OPCML: variants seen among roughly 807,000 people sequenced by gnomAD.
OPCML encodes the protein opioid-binding protein/cell adhesion molecule.
OPCML carries 13 observed loss-of-function variants against 37.8 expected under a neutral mutation model. The ratio of observed to expected loss-of-function variants is 0.34; its 90% CI spans 0.22 to 0.55. The LOEUF (loss-of-function observed/expected upper bound fraction) is 0.55. Ranked by LOEUF, OPCML falls within the 20% of genes least tolerant of loss-of-function variation. The probability of loss-of-function intolerance (pLI) is 0.91; values close to 1 mark genes in which losing one functional copy is unlikely to be tolerated. For missense variants in OPCML, 341 were observed against 435.6 expected, an observed-to-expected ratio of 0.78 and a Z score of 1.93; for synonymous variants, 176 against 168.8, an observed-to-expected ratio of 1.04 and a Z score of -0.33.
In OPCML at chr11:133,290,897, A is replaced by G. The variant is rs925832823; in HGVS notation, c.61+241367T>C. On this transcript the variant is annotated intron_variant, in intron 1 of 7. Coordinates refer to ENST00000524381, the MANE Select transcript of OPCML (RefSeq NM_001012393.5). ...GTTTCAAGAAGTAGCCGCAGCTTAC[A>G]TTGTTACTCTCCCAGGGCCACTTGA... Among the ~76,000 whole-genome samples, 7 of 152,208 alleles carry G rather than the reference A, an allele frequency of 4.6e-5. No individual in the cohort carries two copies. In the South Asian group the frequency reaches 8.3e-4, roughly 18 times the overall value.
Position 132,615,886 on chromosome 11 carries a change from C to T in OPCML, c.379+41201G>A, listed in dbSNP as rs188457791. 2.6e-5 allele frequency among the ~76,000 whole-genome samples: 4 copies of T among 151,948 alleles called. No individual in the cohort carries two copies. In the East Asian group the frequency reaches 7.7e-4, roughly 29 times the overall value. On this transcript the variant is annotated intron_variant, in intron 3 of 7. Coordinates refer to ENST00000524381, the MANE Select transcript of OPCML (RefSeq NM_001012393.5). ...TAGGAACAAACAGAAGGTGAGTAAC[C>T]AAGAGGGAAAAAAAGGCAGATTGGC...
chr11:132,798,478 TA>T (rs1938461854), intron 2 of OPCML, among the ~76,000 whole-genome samples: 2 of 152,248 alleles, frequency 1.3e-5, no homozygotes, highest in South Asian at 4.1e-4. Flanking sequence ...CTTTAGTTGC[TA>T]AGTCATAAGA....
chr11:132,507,597 A>T (rs12271859), intron 4 of OPCML, among the ~76,000 whole-genome samples: 2 of 147,638 alleles, frequency 1.4e-5, no homozygotes, highest in Non-Finnish European at 1.5e-5. Flanking sequence ...AAACAACAAA[A>T]ATTTTTTTTA....
intron 1 of OPCML, among the ~76,000 whole-genome samples, chr11:133,317,934 A>G (rs1943243635): frequency 6.6e-6 from 1 of 152,220 alleles, no homozygotes; most frequent in Non-Finnish European, 1.5e-5. Flanking sequence ...GCCTATTATT[A>G]GGCCCACATC....
At chr11:133,310,699 A>T (rs1362754913) in intron 1 of OPCML, among the ~76,000 whole-genome samples, 1 of 152,006 alleles carries the variant, frequency 6.6e-6, no homozygotes, top group Non-Finnish European at 1.5e-5. Flanking sequence ...GACTGTTCCC[A>T]CCCAGGGTTC....
chr11:133,336,916 A>C (rs1054565577), intron 1 of OPCML, among the ~76,000 whole-genome samples: 4 of 152,200 alleles, frequency 2.6e-5, no homozygotes, highest in Admixed American at 6.5e-5. Context: ...CTGGATTCTG[A>C]TGTGGAGACA....
chr11:132,840,135 G>A (rs986006034), intron 2 of OPCML, among the ~76,000 whole-genome samples: 1 of 152,122 alleles, frequency 6.6e-6, no homozygotes, highest in Admixed American at 6.5e-5. Flanking sequence ...GACAATTTAG[G>A]ATAAGAAGGG....
Position 132,843,546 on chromosome 11 carries a change from G to A in OPCML, c.146+99380C>T, listed in dbSNP as rs189906193. Among the ~76,000 whole-genome samples, 148 of 151,832 alleles carry A rather than the reference G, an allele frequency of 9.7e-4. 1 individual carries two copies. The highest frequency in any genetic ancestry group is 3.2e-3 in the African/African-American group (133 of 41,346). On this transcript the variant is annotated intron_variant, in intron 2 of 7. Coordinates refer to ENST00000524381, the MANE Select transcript of OPCML (RefSeq NM_001012393.5). Reference sequence around the variant, plus strand: ...ACATAGCACTGGTGTTATTTTAGACGCATGTGTGTATGTGAGTGCATGTAA... The same window carrying A: ...ACATAGCACTGGTGTTATTTTAGACACATGTGTGTATGTGAGTGCATGTAA...
intron 1 of OPCML, among the ~76,000 whole-genome samples, chr11:133,047,951 C>T (rs547308854): frequency 5.3e-4 from 81 of 152,202 alleles, no homozygotes; most frequent in Admixed American, 1.8e-3. Context: ...CAGGGCACTG[C>T]GAGAGGGTTT....
intron 1 of OPCML, among the ~76,000 whole-genome samples, chr11:133,306,534 G>C (rs912967577): frequency 5.3e-5 from 8 of 152,164 alleles, no homozygotes; most frequent in African/African-American, 1.9e-4. Context: ...CAACTTAGCA[G>C]AGGCAGCAGT....
intron 1 of OPCML, among the ~76,000 whole-genome samples, chr11:133,105,226 A>G (rs994514921): frequency 6.6e-5 from 10 of 152,232 alleles, no homozygotes; most frequent in Non-Finnish European, 1.3e-4. Context: ...GAATTCAGAC[A>G]ACAATTAATT....
chr11:133,038,280 G>A (rs1191719655), intron 1 of OPCML, among the ~76,000 whole-genome samples: 2 of 152,140 alleles, frequency 1.3e-5, no homozygotes, highest in African/African-American at 4.8e-5. Flanking sequence ...GTCTCTCTGG[G>A]GCTGCTTATA....
At chr11:132,904,009 G>A (rs369989083) in intron 2 of OPCML, among the ~76,000 whole-genome samples, 17 of 152,282 alleles carry the variant, frequency 1.1e-4, no homozygotes, top group South Asian at 2.1e-4. Context: ...ACCCCTGAAT[G>A]TCAATATATA....
intron 2 of OPCML, among the ~76,000 whole-genome samples, chr11:132,889,711 G>A (rs1463714911): frequency 6.6e-6 from 1 of 152,174 alleles, no homozygotes; most frequent in African/African-American, 2.4e-5. Context: ...ATCTAAGAAA[G>A]GTAGCAGCAT....
At chr11:132,950,126 C>G (rs749100188) in intron 1 of OPCML, among the ~76,000 whole-genome samples, 3 of 152,154 alleles carry the variant, frequency 2.0e-5, no homozygotes, top group African/African-American at 4.8e-5. Context: ...GGAATTGGCT[C>G]TAAGGGCAGT....
At position 132,449,157 on chromosome 11, in the gene OPCML, C is replaced by A. The variant is rs141195388; in HGVS notation, c.506-11798G>T. On this transcript the variant is annotated intron_variant, in intron 4 of 7. Coordinates refer to ENST00000524381, the MANE Select transcript of OPCML (RefSeq NM_001012393.5). ...ACACACAAAAATAGAGACACCATGACAATTTCAAGGTAGCTCTCATCTGTC... is the reference window on the plus strand; with the variant it reads ...ACACACAAAAATAGAGACACCATGAAAATTTCAAGGTAGCTCTCATCTGTC... Among the ~76,000 whole-genome samples, 309 of 152,318 alleles carry A rather than the reference C, an allele frequency of 2.0e-3. 1 individual carries two copies. Among genetic ancestry groups the A allele is most frequent in the African/African-American group, 6.7e-3 (280 of 41,570 alleles).
At chr11:133,103,631 T>C (rs900522140) in intron 1 of OPCML, among the ~76,000 whole-genome samples, 2 of 152,270 alleles carry the variant, frequency 1.3e-5, no homozygotes, top group Non-Finnish European at 2.9e-5. Flanking sequence ...TCACACAGTG[T>C]TTCTTTGCAA....
At chr11:133,514,186 A>T (rs1407617880) in intron 1 of OPCML, among the ~76,000 whole-genome samples, 1 of 152,198 alleles carries the variant, frequency 6.6e-6, no homozygotes, top group East Asian at 1.9e-4. Context: ...TGCAGTAGGG[A>T]TCATGAGAGG....
intron 2 of OPCML, among the ~76,000 whole-genome samples, chr11:132,939,132 A>G (rs952059174): frequency 2.6e-5 from 4 of 152,156 alleles, no homozygotes; most frequent in Admixed American, 2.6e-4. Flanking sequence ...AAACACTGAA[A>G]TGGAAAAATA....
Sources: allele counts gnomAD v4.1 joint callset (sites outside exome capture counted in the v4.1 genomes callset), GRCh38; gene constraint gnomAD v4.1.1; transcripts MANE v1.5; gene names NCBI Gene and HGNC (gene_info 2026-07-23, HGNC 2026-07-21).